The following RBFOX3 variants were observed in gnomAD, a reference collection of about 807,000 sequenced individuals.
RBFOX3 encodes the protein RNA binding protein fox-1 homolog 3.
RBFOX3 carries 17 observed loss-of-function variants against 48.7 expected under a neutral mutation model. The ratio of observed to expected loss-of-function variants is 0.35; its 90% CI spans 0.24 to 0.52. The LOEUF (loss-of-function observed/expected upper bound fraction) is 0.52, where lower values mean the gene tolerates loss of function less well. RBFOX3 is among the 20% of genes least tolerant of loss of function. RBFOX3 has a pLI of 0.94. For missense variants in RBFOX3, 382 were observed against 497.5 expected, an observed-to-expected ratio of 0.77 and a Z score of 2.21; for synonymous variants, 212 against 209.5, an observed-to-expected ratio of 1.01 and a Z score of -0.10.
At chr17:79,334,414 G>A (rs776766076) in intron 2 of RBFOX3, among the ~76,000 whole-genome samples, 1 of 152,204 alleles carries the variant, frequency 6.6e-6, no homozygotes, top group Non-Finnish European at 1.5e-5. Flanking sequence ...CTCGGAACCT[G>A]TCCCTTTCTG....
At chr17:79,558,072 AG>A (rs1440833659) in intron 1 of RBFOX3, among the ~76,000 whole-genome samples, 1 of 152,226 alleles carries the variant, frequency 6.6e-6, no homozygotes, top group Admixed American at 6.5e-5. Context: ...CCCAGGAAGC[AG>A]GGAGAGGGGA....
chr17:79,348,519 G>A (rs1199376190), intron 2 of RBFOX3, among the ~76,000 whole-genome samples: 1 of 150,376 alleles, frequency 6.6e-6, no homozygotes, highest in Non-Finnish European at 1.5e-5. Context: ...GGAGCAAGGA[G>A]CTAGTGGTCT....
chr17:79,442,779 G>C (rs1473228070), intron 2 of RBFOX3, among the ~76,000 whole-genome samples: 1 of 152,104 alleles, frequency 6.6e-6, no homozygotes, highest in Non-Finnish European at 1.5e-5. Context: ...GGGTGAGGAG[G>C]GGAGAGAGGG....
At chr17:79,291,587 A>C (rs187968042) in intron 3 of RBFOX3, among the ~76,000 whole-genome samples, 10 of 152,314 alleles carry the variant, frequency 6.6e-5, no homozygotes, top group African/African-American at 2.4e-4. Flanking sequence ...CTTGAGCCTC[A>C]CAGTCCCTTA....
chr17:79,357,014 C>T (rs939531535), intron 2 of RBFOX3, among the ~76,000 whole-genome samples: 3 of 152,170 alleles, frequency 2.0e-5, no homozygotes, highest in Admixed American at 2.0e-4. Flanking sequence ...GCACTCACAA[C>T]AGAGACTCGG....
At chr17:79,509,078 C>T (rs976872839) in intron 1 of RBFOX3, among the ~76,000 whole-genome samples, 5 of 152,230 alleles carry the variant, frequency 3.3e-5, no homozygotes, top group East Asian at 1.9e-4. Context: ...ATTGTAACAG[C>T]GTTCCAGCTG....
At chr17:79,507,742 G>C (rs995848854) in intron 1 of RBFOX3, among the ~76,000 whole-genome samples, 8 of 152,152 alleles carry the variant, frequency 5.3e-5, no homozygotes, top group African/African-American at 1.9e-4. Context: ...GAAGTTTCCA[G>C]AGACTTCTCT....
chr17:79,328,910 G>A lies in RBFOX3; in HGVS notation c.-174-21086C>T, dbSNP rs577903754. Reference sequence around the variant, plus strand: ...CTGGGCAGCAAAGGACTCAGGGTCCGAGGTCCTGGCAGCTGCCACACATGG... The same window carrying A: ...CTGGGCAGCAAAGGACTCAGGGTCCAAGGTCCTGGCAGCTGCCACACATGG... On this transcript the variant is annotated intron_variant, in intron 2 of 14. Coordinates refer to ENST00000693108, the MANE Select transcript of RBFOX3 (RefSeq NM_001350451.2). Among the ~76,000 whole-genome samples the A allele has an allele frequency of 3.9e-5, 6 of 152,282 alleles. No individual in the cohort carries two copies. The East Asian group carries it at 5.8e-4, about 15-fold the overall frequency.
the RBFOX3 span, among the ~76,000 whole-genome samples, chr17:79,628,555 C>T: frequency 2.6e-4 from 40 of 152,218 alleles, 1 homozygote; most frequent in Admixed American, 2.4e-3. Context: ...TTAATTGAGG[C>T]GAAATTTATA....
chr17:79,380,675 G>A (rs930283272), intron 2 of RBFOX3, among the ~76,000 whole-genome samples: 1 of 152,186 alleles, frequency 6.6e-6, no homozygotes, highest in African/African-American at 2.4e-5. Flanking sequence ...TTTGCACTGA[G>A]AACCAAGCTG....
At chr17:79,458,262 G>C (rs1442538780) in intron 2 of RBFOX3, among the ~76,000 whole-genome samples, 2 of 152,208 alleles carry the variant, frequency 1.3e-5, no homozygotes, top group Non-Finnish European at 2.9e-5. Flanking sequence ...CCTTGTTTTT[G>C]TTTTTTGTTG....
At chr17:79,206,006 A>G (rs1377323800) in intron 4 of RBFOX3, among the ~76,000 whole-genome samples, 1 of 152,108 alleles carries the variant, frequency 6.6e-6, no homozygotes, top group East Asian at 1.9e-4. Context: ...CATCCGATAC[A>G]CTGAGGAAAT....
chr17:79,303,807 G>A (rs930497600), intron 3 of RBFOX3, among the ~76,000 whole-genome samples: 20 of 151,858 alleles, frequency 1.3e-4, no homozygotes, highest in East Asian at 1.9e-4. Flanking sequence ...CTGCGTGTGC[G>A]GTACACAGTG....
rs1598206715 is a variant in RBFOX3, at chr17:79,311,586, A to T, written c.-174-3762T>A. On this transcript the variant is annotated intron_variant, in intron 2 of 14. Coordinates refer to ENST00000693108, the MANE Select transcript of RBFOX3 (RefSeq NM_001350451.2). This position sits in a 1 kb window ranked among gnomAD's most constrained non-coding sequence, Gnocchi z 4.2. ...GTCTGTCCTATCTGTCAATCAATCAATAATCAATCAATCAATCATCTACCT... is the reference window on the plus strand; with the variant it reads ...GTCTGTCCTATCTGTCAATCAATCATTAATCAATCAATCAATCATCTACCT... Among the ~76,000 whole-genome samples the T allele has an allele frequency of 1.3e-5, 2 of 152,262 alleles. No homozygotes were observed. The highest frequency in any genetic ancestry group is 4.2e-4 in the South Asian group (2 of 4,818).
intron 2 of RBFOX3, among the ~76,000 whole-genome samples, chr17:79,403,782 CT>C (rs781618072): frequency 0.096 from 11,966 of 124,148 alleles, 488 homozygotes; most frequent in African/African-American, 0.15. Flanking sequence ...TGTTCTTTTT[CT>C]TTTTTTTTTT....
chr17:79,492,959 G>A (rs1193905061), intron 1 of RBFOX3, among the ~76,000 whole-genome samples: 2 of 152,124 alleles, frequency 1.3e-5, no homozygotes, highest in Non-Finnish European at 2.9e-5. Context: ...AAGGATGAGA[G>A]GTCTATTAGG....
At chr17:79,469,029 GGATA>G (rs1484237115) in intron 2 of RBFOX3, among the ~76,000 whole-genome samples, 19 of 152,216 alleles carry the variant, frequency 1.2e-4, no homozygotes, top group South Asian at 2.1e-4. Context: ...ATGGATGGAT[GGATA>G]GATAGATAGA....
intron 2 of RBFOX3, among the ~76,000 whole-genome samples, chr17:79,317,837 C>T (rs2077746948): frequency 6.6e-6 from 1 of 152,122 alleles, no homozygotes; most frequent in Non-Finnish European, 1.5e-5. Flanking sequence ...CATCACTCGG[C>T]AGGCAAAGAG....
At chr17:79,617,475 A>G in the RBFOX3 span, among the ~76,000 whole-genome samples, 18 of 152,032 alleles carry the variant, frequency 1.2e-4, no homozygotes, top group East Asian at 3.3e-3. Context: ...TGAATCACAA[A>G]CAGCCAGGCC....
Sources: allele counts gnomAD v4.1 joint callset (sites outside exome capture counted in the v4.1 genomes callset), GRCh38; gene constraint gnomAD v4.1.1; non-coding constraint Gnocchi (gnomAD v3.1); transcripts MANE v1.5; gene names NCBI Gene and HGNC (gene_info 2026-07-23, HGNC 2026-07-21).